Variants in TENM4 observed in about 807,000 individuals in gnomAD.
The protein encoded by TENM4 is teneurin transmembrane protein 4, also known as teneurin-4.
A neutral mutation model predicts 243.3 loss-of-function variants in TENM4; 82 were observed. The ratio of observed to expected loss-of-function variants is 0.34; its 90% CI spans 0.28 to 0.40. The LOEUF (loss-of-function observed/expected upper bound fraction) is 0.40, where lower values mean the gene tolerates loss of function less well. Among genes scored for constraint, TENM4 ranks in the 10% least tolerant of loss-of-function variants. TENM4 has a pLI of 1.00. For synonymous variants in TENM4, 1,412 were observed against 1,456.3 expected (o/e 0.97, Z 0.69); for missense variants, 3,138 against 3,673.3 (o/e 0.85, Z 3.77).
At chr11:78,862,826 G>A (rs921992622) in intron 10 of TENM4, 136 bp downstream of exon 10, 1 of 912,614 alleles carries the variant, frequency 1.1e-6, no homozygotes, top group Non-Finnish European at 1.5e-6. Context: ...CAGCTGGCGT[G>A]GAGTGTGGAA....
chr11:78,694,974 TGG>T (rs1262602805), intron 28 of TENM4, among the ~76,000 whole-genome samples: 3 of 152,168 alleles, frequency 2.0e-5, no homozygotes, highest in Admixed American at 2.0e-4. Context: ...CTCTGCAGCC[TGG>T]GGGTTGGTAA....
chr11:78,820,640 G>T (rs892208503), intron 12 of TENM4, among the ~76,000 whole-genome samples: 7 of 152,154 alleles, frequency 4.6e-5, no homozygotes, highest in Non-Finnish European at 8.8e-5. Context: ...ATCTGACTTG[G>T]TCAAATGAAT....
intron 18 of TENM4, 29 bp from the exon 19 acceptor site, chr11:78,757,050 T>C (rs2135955355): frequency 6.3e-7 from 1 of 1,595,282 alleles, no homozygotes; most frequent in East Asian, 2.2e-5. Flanking sequence ...ATGTGGTTTA[T>C]ATTGCTATGT....
rs1436990545 is a variant in TENM4, at chr11:78,658,547, C to T, written c.7821G>A (p.Leu2607=). ...TATCCACCCCATCAATGGTGAAGTG[C>T]AGGTTCTCTAGGTAGTGGGCATGGT... ...ILNHAHYLEN[L]HFTIDGVDTH... is the part of the protein sequence containing the mutation. The change falls in exon 34 of 34, where the codon CTG becomes CTA. Residue 2607 remains leucine (L), a synonymous_variant. Transcript: ENST00000278550. 5 of 1,613,900 alleles carry T rather than the reference C, an allele frequency of 3.1e-6. No individual in the cohort carries two copies. Among genetic ancestry groups the T allele is most frequent in the Admixed American group, 1.7e-5 (1 of 60,012 alleles).
At chr11:79,150,497 A>T (rs1417129808) in intron 3 of TENM4, among the ~76,000 whole-genome samples, 1 of 152,104 alleles carries the variant, frequency 6.6e-6, no homozygotes, top group African/African-American at 2.4e-5. Flanking sequence ...TCCTTTTCAG[A>T]GAGATTTCCT....
At chr11:78,886,012 G>C (rs1190116693) in intron 9 of TENM4, among the ~76,000 whole-genome samples, 1 of 152,160 alleles carries the variant, frequency 6.6e-6, no homozygotes, top group Non-Finnish European at 1.5e-5. Flanking sequence ...GCAGATAACA[G>C]CAAAAGAAAA....
chr11:78,889,725 T>C (rs1855620516), intron 9 of TENM4, 60 bp downstream of exon 9: 9 of 1,515,106 alleles, frequency 5.9e-6, no homozygotes, highest in Non-Finnish European at 8.1e-6. Context: ...CACACGTGTC[T>C]TGGTTGCTGC....
chr11:78,668,834 G>A, intron 32 of TENM4, 103 bp downstream of exon 32: 3 of 1,407,900 alleles, frequency 2.1e-6, no homozygotes, highest in Non-Finnish European at 1.9e-6. Flanking sequence ...GAAAGTCAGT[G>A]TTTCCTGTCA....
chr11:79,319,062 A>G (rs1856846740), intron 1 of TENM4, among the ~76,000 whole-genome samples: 3 of 152,178 alleles, frequency 2.0e-5, no homozygotes, highest in Admixed American at 2.0e-4. Flanking sequence ...TACCTCATTG[A>G]TCTTGATGAA....
rs147547897 is a variant in TENM4, at chr11:79,136,081, G to T, written c.-66+12629C>A. Among the ~76,000 whole-genome samples the T allele has an allele frequency of 5.4e-3, 824 of 151,964 alleles. 12 individuals are homozygous for T. The highest frequency in any genetic ancestry group is 0.019 in the African/African-American group (776 of 41,468). On this transcript the variant is annotated intron_variant, in intron 4 of 33. Coordinates refer to ENST00000278550, the MANE Select transcript of TENM4 (RefSeq NM_001098816.3). Reference sequence around the variant, plus strand: ...AGGGATAAAAGGCTACAAATATGGTGCAGTATATACTGCTTGGGTGATGAG... The same window carrying T: ...AGGGATAAAAGGCTACAAATATGGTTCAGTATATACTGCTTGGGTGATGAG...
chr11:78,718,467 C>T (rs17826871), intron 25 of TENM4, among the ~76,000 whole-genome samples: 1,798 of 152,246 alleles, frequency 0.012, 28 homozygotes, highest in Admixed American at 0.03. Flanking sequence ...AAACCAGAAA[C>T]GCCAGGTAAC....
intron 2 of TENM4, among the ~76,000 whole-genome samples, chr11:79,257,355 C>G (rs1360061789): frequency 6.6e-6 from 1 of 152,186 alleles, no homozygotes; most frequent in African/African-American, 2.4e-5. Flanking sequence ...CTCCTATAGA[C>G]TCAGCATTCA....
At chr11:78,948,976 A>C (rs1355090975) in intron 6 of TENM4, among the ~76,000 whole-genome samples, 1 of 152,234 alleles carries the variant, frequency 6.6e-6, no homozygotes, top group Non-Finnish European at 1.5e-5. Context: ...AGGATGGCTC[A>C]CTAATGGAGT....
chr11:78,676,411 C>A, intron 29 of TENM4, 24 bp from the exon 30 acceptor site: 4 of 1,566,582 alleles, frequency 2.6e-6, no homozygotes, highest in South Asian at 1.2e-5. Context: ...CAAGCACAGA[C>A]TGCTCAGAAG....
chr11:79,307,087 T>TG (rs1405451587), intron 1 of TENM4, among the ~76,000 whole-genome samples: 2 of 152,216 alleles, frequency 1.3e-5, no homozygotes, highest in African/African-American at 4.8e-5. Context: ...ACTTACCATG[T>TG]GCAAGGTGCT....
intron 1 of TENM4, among the ~76,000 whole-genome samples, chr11:79,324,651 C>G (rs1379053768): frequency 2.0e-5 from 3 of 152,038 alleles, no homozygotes; most frequent in Non-Finnish European, 4.4e-5. Flanking sequence ...CACAAATACA[C>G]ATATATATGT....
chr11:79,347,548 T>C (rs1857345114), intron 1 of TENM4, among the ~76,000 whole-genome samples: 1 of 151,964 alleles, frequency 6.6e-6, no homozygotes, highest in Admixed American at 6.6e-5. Flanking sequence ...AGGACCTCAT[T>C]CTCTTGGCAC....
chr11:79,126,462 C>T (rs538754019), intron 4 of TENM4, among the ~76,000 whole-genome samples: 51 of 152,238 alleles, frequency 3.4e-4, no homozygotes, highest in Non-Finnish European at 6.2e-4. Context: ...GGCCAAGTGG[C>T]GGCACTCAAC....
intron 6 of TENM4, among the ~76,000 whole-genome samples, chr11:78,982,206 C>T (rs559892928): frequency 2.6e-5 from 4 of 152,252 alleles, no homozygotes; most frequent in South Asian, 2.1e-4. Flanking sequence ...TTCTGGTTGG[C>T]AAGTACCATG....
Sources: gnomAD v4.1 joint callset for allele counts (sites outside exome capture counted in the v4.1 genomes callset) on GRCh38, gnomAD v4.1.1 for gene constraint, MANE v1.5 for transcripts, NCBI Gene and HGNC (gene_info 2026-07-23, HGNC 2026-07-21) for gene names.